Variants in INPP5A observed in about 807,000 individuals in gnomAD.
The protein encoded by INPP5A is inositol polyphosphate-5-phosphatase A, also known as 43 kDa inositol polyphosphate 5-phophatase.
In INPP5A, 14 loss-of-function variants were observed where a neutral mutation model predicts 65.2. The ratio of observed to expected loss-of-function variants is 0.21; its 90% CI spans 0.14 to 0.34. The LOEUF (loss-of-function observed/expected upper bound fraction) is 0.34, where lower values mean the gene tolerates loss of function less well. Ranked by LOEUF, INPP5A falls within the 10% of genes least tolerant of loss-of-function variation. The pLI is 1.00. For missense variants in INPP5A, 431 were observed against 545.6 expected (o/e 0.79, Z 2.09); for synonymous variants, 207 against 208.3 (o/e 0.99, Z 0.05).
chr10:132,760,819 G>C (rs1391107319), intron 11 of INPP5A, among the ~76,000 whole-genome samples: 1 of 152,180 alleles, frequency 6.6e-6, no homozygotes, highest in Non-Finnish European at 1.5e-5. Flanking sequence ...TCTTCCTGAG[G>C]GGAGTTTGAG....
chr10:132,545,010 A>C lies in INPP5A; in HGVS notation c.75+6839A>C, dbSNP rs1326184101. 6.6e-6 allele frequency among the ~76,000 whole-genome samples: 1 copy of C among 152,128 alleles called. No individual in the cohort carries two copies. Among genetic ancestry groups the C allele is most frequent in the South Asian group, 2.1e-4 (1 of 4,826 alleles). Reference sequence around the variant, plus strand: ...AAGCACCCAGATCGACCTGTCGGGCAGTGTTGGGAGAATGTCTGCACGTAG... The same window carrying C: ...AAGCACCCAGATCGACCTGTCGGGCCGTGTTGGGAGAATGTCTGCACGTAG... On this transcript the variant is annotated intron_variant, in intron 1 of 15. Transcript: ENST00000368594. The surrounding 1 kb of genome is among the most constrained non-coding windows in gnomAD (Gnocchi z 4.6).
At chr10:132,685,059 T>TA (rs796221395) in intron 4 of INPP5A, among the ~76,000 whole-genome samples, 119 of 149,396 alleles carry the variant, frequency 8.0e-4, no homozygotes, top group Middle Eastern at 3.4e-3. Flanking sequence ...TTTATTTTAT[T>TA]AAAAAAAAAA....
rs895440188 is a variant in INPP5A at position 132,659,038 on chromosome 10, C to A, written c.306+8533C>A. 2.2e-4 allele frequency among the ~76,000 whole-genome samples: 33 copies of A among 152,204 alleles called. No individual in the cohort carries two copies. The highest frequency in any genetic ancestry group is 1.3e-4 in the Non-Finnish European group (9 of 68,042). ...CGTCCACAGTGGAAGCTGCCAGCCA[C>A]CAAGGCTACCGACCTGGGCCCTGGG... On this transcript the variant is annotated intron_variant, in intron 4 of 15. Coordinates refer to ENST00000368594, the MANE Select transcript of INPP5A (RefSeq NM_005539.5). The surrounding 1 kb of genome is among the most constrained non-coding windows in gnomAD (Gnocchi z 5.5).
rs539842232 is a variant in INPP5A, at chr10:132,706,785, G to T, written c.475-1528G>T. Among the ~76,000 whole-genome samples, 25 of 152,310 alleles carry T rather than the reference G, an allele frequency of 1.6e-4. No homozygotes were observed. In the South Asian group the frequency reaches 5.2e-3, roughly 32 times the overall value. ...GGGCCACTGTCCTGGAGGGAGACAG[G>T]GAGAAGGAGACGGGGCTGCAGGGGC... is the stretch of plus-strand genomic sequence containing the variant. On this transcript the variant is annotated intron_variant, in intron 6 of 15. Transcript: ENST00000368594. This position sits in a 1 kb window ranked among gnomAD's most constrained non-coding sequence, Gnocchi z 4.7.
intron 1 of INPP5A, among the ~76,000 whole-genome samples, chr10:132,542,724 T>C (rs961267641): frequency 2.6e-5 from 4 of 152,330 alleles, no homozygotes; most frequent in Admixed American, 6.5e-5. Context: ...GGATCCTCCT[T>C]CTTCTTCAGG....
Position 132,550,236 on chromosome 10 carries a change from C to T in INPP5A, c.75+12065C>T, listed in dbSNP as rs534361217. On this transcript the variant is annotated intron_variant, in intron 1 of 15. Transcript: ENST00000368594. This position sits in a 1 kb window ranked among gnomAD's most constrained non-coding sequence, Gnocchi z 4.2. ...AGACCACATTGCCACTGTTTAGGGTCAGAGTGGTCCCGCAGGTTAATTCAC... is the reference window on the plus strand; with the variant it reads ...AGACCACATTGCCACTGTTTAGGGTTAGAGTGGTCCCGCAGGTTAATTCAC... Among the ~76,000 whole-genome samples the T allele has an allele frequency of 2.2e-4, 34 of 152,310 alleles. No individual in the cohort carries two copies. Among genetic ancestry groups the T allele is most frequent in the Non-Finnish European group, 3.5e-4 (24 of 68,014 alleles).
At chr10:132,686,015 C>T (rs559565410) in intron 4 of INPP5A, among the ~76,000 whole-genome samples, 7 of 152,216 alleles carry the variant, frequency 4.6e-5, no homozygotes, top group Admixed American at 2.0e-4. Flanking sequence ...GGGTTCGTTG[C>T]GCCCTGGTCG....
At chr10:132,662,740 C>T (rs1019208205) in intron 4 of INPP5A, among the ~76,000 whole-genome samples, 1 of 152,132 alleles carries the variant, frequency 6.6e-6, no homozygotes. Flanking sequence ...CCACCCCACC[C>T]GCACTCCAGC....
chr10:132,553,087 G>A (rs2071076321), intron 1 of INPP5A, among the ~76,000 whole-genome samples: 1 of 142,006 alleles, frequency 7.0e-6, no homozygotes, highest in African/African-American at 2.7e-5. Context: ...CAGGGAGGGA[G>A]GACTGGTGAA....
rs547229370 is a variant in INPP5A at position 132,668,688 on chromosome 10, T to C, written c.306+18183T>C. Among the ~76,000 whole-genome samples, 4 of 152,336 alleles carry C rather than the reference T, an allele frequency of 2.6e-5. No individual in the cohort carries two copies. The East Asian group carries it at 7.7e-4, about 29-fold the overall frequency. On this transcript the variant is annotated intron_variant, in intron 4 of 15. Coordinates refer to ENST00000368594, the MANE Select transcript of INPP5A (RefSeq NM_005539.5). ...TTGCACAGGGAGCATTAGAAGGGCTTATCATTCCTCCTGATGTTTTTATTC... is the reference window on the plus strand; with the variant it reads ...TTGCACAGGGAGCATTAGAAGGGCTCATCATTCCTCCTGATGTTTTTATTC...
intron 1 of INPP5A, among the ~76,000 whole-genome samples, chr10:132,558,985 T>C (rs888789277): frequency 6.6e-6 from 1 of 152,120 alleles, no homozygotes; most frequent in African/African-American, 2.4e-5. Context: ...AGCTGGAGCC[T>C]TCCTCCCAGA....
chr10:132,607,644 G>T (rs1399563707), intron 1 of INPP5A, among the ~76,000 whole-genome samples: 1 of 152,254 alleles, frequency 6.6e-6, no homozygotes. Flanking sequence ...CGCCACCCGT[G>T]TGGGGGCTGC....
chr10:132,577,524 C>T (rs1457378263), intron 1 of INPP5A, among the ~76,000 whole-genome samples: 1 of 152,218 alleles, frequency 6.6e-6, no homozygotes, highest in Non-Finnish European at 1.5e-5. Flanking sequence ...TGAGGCCCAT[C>T]TTTTGGTGGC....
At chr10:132,767,441 T>C (rs1846867756) in intron 12 of INPP5A, among the ~76,000 whole-genome samples, 1 of 152,126 alleles carries the variant, frequency 6.6e-6, no homozygotes, top group South Asian at 2.1e-4. Flanking sequence ...AGGGGAAGTT[T>C]TTGGACAGGT....
At chr10:132,544,429 G>A (rs568304870) in intron 1 of INPP5A, among the ~76,000 whole-genome samples, 1 of 152,232 alleles carries the variant, frequency 6.6e-6, no homozygotes, top group South Asian at 2.1e-4. Flanking sequence ...GGCTGGAGGT[G>A]TCTCAGCAGT....
In INPP5A at chr10:132,546,815, T is replaced by TCTGCCTGGGC. The variant is rs2070979917; in HGVS notation, c.75+8653_75+8662dup. 6.6e-6 allele frequency among the ~76,000 whole-genome samples: 1 copy of TCTGCCTGGGC among 152,218 alleles called. No individual in the cohort carries two copies. The highest frequency in any genetic ancestry group is 1.5e-5 in the Non-Finnish European group (1 of 68,034). ...TTCTCCCTGGCCCTTCCCTCTCGTT[T>TCTGCCTGGGC]CTGCCTGGGCCTGCCTGGCTGGTCT... On this transcript the variant is annotated intron_variant, in intron 1 of 15. Coordinates refer to ENST00000368594, the MANE Select transcript of INPP5A (RefSeq NM_005539.5). This position sits in a 1 kb window ranked among gnomAD's most constrained non-coding sequence, Gnocchi z 5.7.
chr10:132,768,096 C>T (rs1846883834), intron 12 of INPP5A, among the ~76,000 whole-genome samples: 1 of 144,956 alleles, frequency 6.9e-6, no homozygotes, highest in Non-Finnish European at 1.5e-5. Flanking sequence ...GATCCATGGA[C>T]CCCAACCCTC....
At chr10:132,614,359 T>A (rs1380777504) in intron 2 of INPP5A, among the ~76,000 whole-genome samples, 1 of 152,050 alleles carries the variant, frequency 6.6e-6, no homozygotes, top group East Asian at 1.9e-4. Flanking sequence ...CTCAGCTACT[T>A]GGGAGGCTGA....
At chr10:132,594,294 A>G (rs1218438966) in intron 1 of INPP5A, among the ~76,000 whole-genome samples, 1 of 152,234 alleles carries the variant, frequency 6.6e-6, no homozygotes, top group East Asian at 1.9e-4. Context: ...TGCAATAAAA[A>G]AACTGTTCAG....
Sources: allele counts gnomAD v4.1 joint callset (sites outside exome capture counted in the v4.1 genomes callset), GRCh38; gene constraint gnomAD v4.1.1; non-coding constraint Gnocchi (gnomAD v3.1); transcripts MANE v1.5; gene names NCBI Gene and HGNC (gene_info 2026-07-23, HGNC 2026-07-21).